MAGI3: variants seen among roughly 807,000 people sequenced by gnomAD.
MAGI3 encodes the protein membrane-associated guanylate kinase, WW and PDZ domain-containing protein 3.
Under a neutral mutation model 121.8 loss-of-function variants are expected in MAGI3, and 43 were observed. The ratio of observed to expected loss-of-function variants is 0.35; its 90% CI spans 0.28 to 0.46. The LOEUF is 0.46. Among genes scored for constraint, MAGI3 ranks in the 20% least tolerant of loss-of-function variants. The pLI, the probability that MAGI3 is intolerant of heterozygous loss-of-function variation, is 1.00. For synonymous variants in MAGI3, 553 were observed against 639.3 expected, an observed-to-expected ratio of 0.86 and a Z score of 2.04; for missense variants, 1,547 against 1,797.3, an observed-to-expected ratio of 0.86 and a Z score of 2.52.
intron 1 of MAGI3, among the ~76,000 whole-genome samples, chr1:113,483,616 A>T (rs1035052119): frequency 1.3e-5 from 2 of 152,200 alleles, no homozygotes; most frequent in African/African-American, 4.8e-5. Flanking sequence ...GCCCAGACTA[A>T]GACAGAGATG....
chr1:113,417,198 T>C (rs754984109), intron 1 of MAGI3, among the ~76,000 whole-genome samples: 4 of 152,112 alleles, frequency 2.6e-5, no homozygotes, highest in Admixed American at 6.6e-5. Context: ...AGTCATATAA[T>C]CACTATCCCA....
chr1:113,550,770 G>GA (rs1198447199), intron 2 of MAGI3, among the ~76,000 whole-genome samples: 7 of 146,064 alleles, frequency 4.8e-5, no homozygotes, highest in South Asian at 2.2e-4. Context: ...AAAAAAAAAA[G>GA]AAAAAAACGA....
chr1:113,487,298 G>T (rs1656427606), intron 1 of MAGI3, among the ~76,000 whole-genome samples: 1 of 152,184 alleles, frequency 6.6e-6, no homozygotes, highest in Admixed American at 6.5e-5. Context: ...TGGCTGGGTG[G>T]TAAGAATAGA....
intron 1 of MAGI3, among the ~76,000 whole-genome samples, chr1:113,462,629 A>T (rs1401226795): frequency 2.0e-5 from 3 of 152,276 alleles, no homozygotes; most frequent in South Asian, 4.1e-4. Flanking sequence ...GGGTGATGAG[A>T]TAATATGTAC....
intron 1 of MAGI3, among the ~76,000 whole-genome samples, chr1:113,442,643 A>T (rs564223573): frequency 2.6e-5 from 4 of 151,858 alleles, no homozygotes; most frequent in Admixed American, 2.0e-4. Context: ...ATATATAATG[A>T]TCATAGCAGT....
intron 1 of MAGI3, among the ~76,000 whole-genome samples, chr1:113,525,975 C>T (rs1020385755): frequency 2.0e-5 from 3 of 151,952 alleles, no homozygotes; most frequent in Admixed American, 6.6e-5. Flanking sequence ...GCACTCTAGC[C>T]TGGTGACAGA....
intron 1 of MAGI3, among the ~76,000 whole-genome samples, chr1:113,540,923 A>G (rs1557812309): frequency 6.6e-6 from 1 of 152,200 alleles, no homozygotes; most frequent in Non-Finnish European, 1.5e-5. Flanking sequence ...GGAATTCTAC[A>G]TGTGATAAAC....
chr1:113,460,799 ACTCCAT>A (rs1654993258), intron 1 of MAGI3, among the ~76,000 whole-genome samples: 1 of 150,814 alleles, frequency 6.6e-6, no homozygotes, highest in Admixed American at 6.6e-5. Flanking sequence ...ACAGAGCGAG[ACTCCAT>A]CTCAAAGAAA....
intron 1 of MAGI3, among the ~76,000 whole-genome samples, chr1:113,434,743 AAT>A (rs1216642838): frequency 6.6e-6 from 1 of 152,234 alleles, no homozygotes; most frequent in African/African-American, 2.4e-5. Flanking sequence ...CTGTTCAACA[AAT>A]ATTTATTGTA....
At chr1:113,485,100 C>T (rs984941247) in intron 1 of MAGI3, among the ~76,000 whole-genome samples, 20 of 152,124 alleles carry the variant, frequency 1.3e-4, no homozygotes, top group African/African-American at 4.6e-4. Context: ...ATTTCTGCAA[C>T]TGCAAATTGT....
Position 113,391,466 on chromosome 1 carries a change from A to G in MAGI3, c.316+117A>G, listed in dbSNP as rs1650812163. ...TTGTCCCGGGTAATCTTAGACCTCTAGGGTGTGCCAGACTCCTTGACGAGG... is the reference window on the plus strand; with the variant it reads ...TTGTCCCGGGTAATCTTAGACCTCTGGGGTGTGCCAGACTCCTTGACGAGG... On this transcript the variant is annotated intron_variant, in intron 1 of 20. Transcript: ENST00000307546. This position sits in a 1 kb window ranked among gnomAD's most constrained non-coding sequence, Gnocchi z 4.4. 1.8e-5 allele frequency: 21 copies of G among 1,155,068 alleles called. No individual in the cohort carries two copies. The South Asian group carries it at 3.1e-4, about 17-fold the overall frequency. The allele number at this position is 1,155,068 out of a possible 1,614,324, so 71.6% of individuals were successfully genotyped here. A position where few individuals can be genotyped will look rare whatever the true frequency, so the allele number is the denominator to read the frequency against.
intron 1 of MAGI3, among the ~76,000 whole-genome samples, chr1:113,440,223 A>G (rs1653843524): frequency 6.6e-6 from 1 of 152,206 alleles, no homozygotes; most frequent in Non-Finnish European, 1.5e-5. Context: ...GTTGTATCTT[A>G]TCTGATCAAC....
intron 9 of MAGI3, among the ~76,000 whole-genome samples, chr1:113,637,070 T>C (rs1312337820): frequency 1.3e-5 from 2 of 152,208 alleles, no homozygotes; most frequent in Non-Finnish European, 2.9e-5. Context: ...TTTTTTGTTT[T>C]CCATTTACTT....
intron 1 of MAGI3, among the ~76,000 whole-genome samples, chr1:113,535,442 C>G (rs1658927722): frequency 6.6e-6 from 1 of 151,936 alleles, no homozygotes; most frequent in African/African-American, 2.4e-5. Flanking sequence ...ATATTGTATA[C>G]TAAATGCTAT....
rs144615629 is a variant in MAGI3 at position 113,522,389 on chromosome 1, G to A, written c.317-27126G>A. Among the ~76,000 whole-genome samples, 998 of 152,354 alleles carry A rather than the reference G, an allele frequency of 6.6e-3. 13 individuals carry two copies. Among genetic ancestry groups the A allele is most frequent in the African/African-American group, 0.023 (948 of 41,582 alleles). On this transcript the variant is annotated intron_variant, in intron 1 of 20. Coordinates refer to ENST00000307546, the MANE Select transcript of MAGI3 (RefSeq NM_001142782.2). ...CAAAGTGCTATGATTACAGGCATGA[G>A]CCATTGCACCTGGCCTGTCATATAC... is the stretch of plus-strand genomic sequence containing the variant.
At chr1:113,606,787 C>G (rs1486083636) in intron 6 of MAGI3, among the ~76,000 whole-genome samples, 1 of 152,174 alleles carries the variant, frequency 6.6e-6, no homozygotes. Flanking sequence ...GCCTGTTCCT[C>G]TCTTCTTGCT....
chr1:113,504,949 A>G (rs1398533537), intron 1 of MAGI3, among the ~76,000 whole-genome samples: 1 of 152,192 alleles, frequency 6.6e-6, no homozygotes, highest in Non-Finnish European at 1.5e-5. Flanking sequence ...GTATGTATTA[A>G]TATATCCAAT....
intron 6 of MAGI3, among the ~76,000 whole-genome samples, chr1:113,602,329 A>G (rs1288383134): frequency 6.6e-6 from 1 of 152,180 alleles, no homozygotes; most frequent in African/African-American, 2.4e-5. Context: ...AAACTATACA[A>G]ATGCATGGAA....
At chr1:113,410,379 C>T (rs1042278987) in intron 1 of MAGI3, among the ~76,000 whole-genome samples, 5 of 151,934 alleles carry the variant, frequency 3.3e-5, no homozygotes, top group Non-Finnish European at 4.4e-5. Context: ...CAAAAAATTG[C>T]TACTAACCAT....
Sources: allele counts gnomAD v4.1 joint callset (sites outside exome capture counted in the v4.1 genomes callset), GRCh38; gene constraint gnomAD v4.1.1; non-coding constraint Gnocchi (gnomAD v3.1); transcripts MANE v1.5; gene names NCBI Gene and HGNC (gene_info 2026-07-23, HGNC 2026-07-21).